The following CACNA1E variants were observed in gnomAD, a reference collection of about 807,000 sequenced individuals.
The protein encoded by CACNA1E is voltage-dependent R-type calcium channel subunit alpha-1E.
A neutral mutation model predicts 259.2 loss-of-function variants in CACNA1E; 40 were observed. That is an observed-to-expected ratio of 0.15 (90% CI 0.12 to 0.20). The LOEUF (loss-of-function observed/expected upper bound fraction) is 0.20, where lower values mean the gene tolerates loss of function less well. CACNA1E is among the 10% of genes least tolerant of loss of function. CACNA1E has a pLI of 1.00. For missense variants in CACNA1E, 1,874 were observed against 3,040.1 expected (o/e 0.62, Z 9.02); for synonymous variants, 1,104 against 1,138.5 (o/e 0.97, Z 0.61).
intron 44 of CACNA1E, among the ~76,000 whole-genome samples, chr1:181,791,974 G>C (rs951053814): frequency 6.6e-6 from 1 of 152,210 alleles, no homozygotes; most frequent in African/African-American, 2.4e-5. Flanking sequence ...ATGGTTGTGT[G>C]GGGGAGACAG....
chr1:181,768,345 GT>G (rs1659204786), intron 35 of CACNA1E, among the ~76,000 whole-genome samples: 2 of 152,148 alleles, frequency 1.3e-5, no homozygotes. Flanking sequence ...GGAAGAGAGA[GT>G]GAGCATGTCC....
rs1431292667 is a variant in CACNA1E, at chr1:181,785,320, T to A, written c.5581T>A (p.Ser1861Thr). The change falls in exon 42 of 48, where the codon TCT (serine) becomes ACT (threonine). Residue 1861 changes from serine to threonine, a missense_variant and splice_region_variant. Ser to Thr is a moderately conservative substitution (Grantham distance 58). Around this residue, in one of 14 missense-constraint regions of CACNA1E, gnomAD observed 147 missense variants for 337.1 expected, o/e 0.44. Coordinates refer to ENST00000367573, the MANE Select transcript of CACNA1E (RefSeq NM_001205293.3). ...LDLLVPMPKA[S>T]DLTVGKIYAA... Reference sequence around the variant, plus strand: ...TCATGCCACATTTGTGTTTCTAGCCTCTGACCTGACTGTGGGCAAAATCTA... The same window carrying A: ...TCATGCCACATTTGTGTTTCTAGCCACTGACCTGACTGTGGGCAAAATCTA... The A allele has an allele frequency of 1.9e-6, 3 of 1,603,710 alleles. No homozygotes were observed. The highest frequency in any genetic ancestry group is 1.7e-5 in the Admixed American group (1 of 59,958).
chr1:181,524,376 C>T (rs1020948713), intron 3 of CACNA1E, among the ~76,000 whole-genome samples: 4 of 152,184 alleles, frequency 2.6e-5, no homozygotes, highest in Admixed American at 2.6e-4. Context: ...CAATGTGACC[C>T]GTACAGAGCT....
At chr1:181,790,368 G>T (rs941958232) in intron 43 of CACNA1E, 77 bp from the exon 44 acceptor site, 1 of 862,656 alleles carries the variant, frequency 1.2e-6, no homozygotes, top group South Asian at 1.4e-5. Flanking sequence ...AGGCTAAAGG[G>T]TGTTGCCCTG....
At chr1:181,334,847 T>TC (rs1298476360) in intron 1 of CACNA1E, among the ~76,000 whole-genome samples, 4 of 152,152 alleles carry the variant, frequency 2.6e-5, no homozygotes, top group African/African-American at 7.2e-5. Flanking sequence ...TCCAGTGTCT[T>TC]CCCATCTTAC....
chr1:181,671,887 A>T (rs1458973514), intron 7 of CACNA1E, among the ~76,000 whole-genome samples: 2 of 152,246 alleles, frequency 1.3e-5, no homozygotes, highest in Non-Finnish European at 2.9e-5. Context: ...ATTACTGGGT[A>T]TATACCTAGA....
At chr1:181,680,119 A>C (rs1343320887) in intron 7 of CACNA1E, among the ~76,000 whole-genome samples, 5 of 149,920 alleles carry the variant, frequency 3.3e-5, no homozygotes, top group African/African-American at 1.2e-4. Context: ...AAAAAAAAAA[A>C]AAAAAAAAAA....
chr1:181,406,091 C>T (rs1657443812), intron 1 of CACNA1E, among the ~76,000 whole-genome samples: 2 of 152,194 alleles, frequency 1.3e-5, no homozygotes, highest in African/African-American at 4.8e-5. Flanking sequence ...AAAAAATTTG[C>T]TTAACCCTTC....
At chr1:181,459,461 G>A (rs1002208625) in intron 2 of CACNA1E, among the ~76,000 whole-genome samples, 5 of 152,228 alleles carry the variant, frequency 3.3e-5, no homozygotes, top group Admixed American at 6.5e-5. Context: ...AGCTGCCCAC[G>A]CTGGCCAGTG....
intron 1 of CACNA1E, among the ~76,000 whole-genome samples, chr1:181,367,778 T>G (rs1654389917): frequency 6.6e-6 from 1 of 152,052 alleles, no homozygotes. Flanking sequence ...TTAATCATTT[T>G]CAAATGCAAT....
At chr1:181,646,590 G>A (rs1572478825) in intron 6 of CACNA1E, among the ~76,000 whole-genome samples, 2 of 152,294 alleles carry the variant, frequency 1.3e-5, no homozygotes, top group East Asian at 3.9e-4. Flanking sequence ...TGTGAAGAGG[G>A]TGCACAGACA....
chr1:181,625,000 G>C (rs1214017636), intron 6 of CACNA1E, among the ~76,000 whole-genome samples: 1 of 151,292 alleles, frequency 6.6e-6, no homozygotes, highest in East Asian at 1.9e-4. Flanking sequence ...GCATGTTCAT[G>C]AGAGCTCTTG....
chr1:181,772,639 G>A (rs1259958294), intron 37 of CACNA1E, among the ~76,000 whole-genome samples: 3 of 152,206 alleles, frequency 2.0e-5, no homozygotes, highest in East Asian at 3.9e-4. Flanking sequence ...GGATATCTTC[G>A]CTTTGGGAGA....
Position 181,806,059 on chromosome 1 carries a change from A to G in CACNA1E, c.*7225A>G, listed in dbSNP as rs1323385284. 6.6e-6 allele frequency: 1 copy of G among 152,226 alleles called. No individual in the cohort carries two copies. The highest frequency in any genetic ancestry group is 1.5e-5 in the Non-Finnish European group (1 of 68,046). The allele number at this position is 152,226 out of a possible 1,614,324, so 9.4% of individuals were successfully genotyped here. A position where few individuals can be genotyped will look rare whatever the true frequency, so the allele number is the denominator to read the frequency against. ...GTGGCTTTGAAGGCCTCAGAGGATTAATAGATTCCCAAAATTTTCTTCCAG... is the reference window on the plus strand; with the variant it reads ...GTGGCTTTGAAGGCCTCAGAGGATTGATAGATTCCCAAAATTTTCTTCCAG... On this transcript the variant is annotated 3_prime_UTR_variant, in exon 48 of 48. Coordinates refer to ENST00000367573, the MANE Select transcript of CACNA1E (RefSeq NM_001205293.3).
In CACNA1E at chr1:181,634,022, C is replaced by T. The variant is rs12040133; in HGVS notation, c.952-17316C>T. 7.6e-4 allele frequency among the ~76,000 whole-genome samples: 116 copies of T among 152,308 alleles called. 1 individual carries two copies. In the East Asian group the frequency reaches 7.9e-3, roughly 10 times the overall value. On this transcript the variant is annotated intron_variant, in intron 6 of 47. Transcript: ENST00000367573. ...TTTGGCTGGAGAAGGCATCACAGAC[C>T]TTGGGTAATTGATGGCCCACCAGTT...
chr1:181,508,123 ATGT>A (rs773770260), intron 1 of CACNA1E, among the ~76,000 whole-genome samples: 129 of 150,316 alleles, frequency 8.6e-4, no homozygotes, highest in Non-Finnish European at 3.1e-4. Context: ...AGTTTGGGAA[ATGT>A]TGTGTGCTGT....
At chr1:181,690,486 A>T (rs1417314677) in intron 7 of CACNA1E, among the ~76,000 whole-genome samples, 1 of 152,164 alleles carries the variant, frequency 6.6e-6, no homozygotes, top group Non-Finnish European at 1.5e-5. Flanking sequence ...TATGTAATTT[A>T]AAGTAGTTTT....
intron 3 of CACNA1E, among the ~76,000 whole-genome samples, chr1:181,537,840 A>T (rs1320345335): frequency 6.6e-6 from 1 of 152,258 alleles, no homozygotes; most frequent in Non-Finnish European, 1.5e-5. Context: ...ACAGAGGTAC[A>T]GTGAGATTAA....
chr1:181,629,823 C>G (rs572118164), intron 6 of CACNA1E, among the ~76,000 whole-genome samples: 1 of 152,144 alleles, frequency 6.6e-6, no homozygotes, highest in East Asian at 1.9e-4. Context: ...TAAATTGGAC[C>G]AATTCTTTAT....
Sources: gnomAD v4.1 joint callset for allele counts (sites outside exome capture counted in the v4.1 genomes callset) on GRCh38, gnomAD v4.1.1 for gene constraint, gnomAD v4.1.1 regional missense constraint, MANE v1.5 for transcripts, NCBI Gene and HGNC (gene_info 2026-07-23, HGNC 2026-07-21) for gene names.